SLC20A2: variants seen among roughly 807,000 people sequenced by gnomAD.
SLC20A2 encodes solute carrier family 20 member 2.
Under a neutral mutation model 61.0 loss-of-function variants are expected in SLC20A2, and 30 were observed. The ratio of observed to expected loss-of-function variants is 0.49; its 90% CI spans 0.37 to 0.67. SLC20A2 has a LOEUF of 0.67. Among genes scored for constraint, SLC20A2 ranks in the 30% least tolerant of loss-of-function variants. SLC20A2 has a pLI of 0.00. For missense variants in SLC20A2, 626 were observed against 866.4 expected, an observed-to-expected ratio of 0.72 and a Z score of 3.48; for synonymous variants, 351 against 353.3, an observed-to-expected ratio of 0.99 and a Z score of 0.07.
chr8:42,490,435 G>A (rs1037640594), intron 1 of SLC20A2, among the ~76,000 whole-genome samples: 20 of 152,052 alleles, frequency 1.3e-4, no homozygotes, highest in African/African-American at 4.3e-4. Context: ...TGTCTCTACC[G>A]AAAATACAAA....
chr8:42,476,128 G>T (rs1397032317), intron 1 of SLC20A2, among the ~76,000 whole-genome samples: 1 of 106,688 alleles, frequency 9.4e-6, no homozygotes, highest in Non-Finnish European at 1.7e-5. Context: ...ACGAAATCTC[G>T]CTCTGTCGCC....
chr8:42,539,243 A>G (rs1812902893), intron 1 of SLC20A2, among the ~76,000 whole-genome samples: 1 of 152,196 alleles, frequency 6.6e-6, no homozygotes, highest in Non-Finnish European at 1.5e-5. Flanking sequence ...TTTTAATCAC[A>G]AAGAAGACAC....
chr8:42,427,579 A>G (rs1466803616), intron 10 of SLC20A2, among the ~76,000 whole-genome samples: 1 of 152,226 alleles, frequency 6.6e-6, no homozygotes, highest in Non-Finnish European at 1.5e-5. Context: ...TTGTATACAG[A>G]AACTTTGTGG....
intron 1 of SLC20A2, among the ~76,000 whole-genome samples, chr8:42,514,340 T>C (rs1811197704): frequency 1.3e-5 from 2 of 152,076 alleles, no homozygotes; most frequent in South Asian, 2.1e-4. Context: ...GAAGAGAAGA[T>C]TAGAAACAGA....
At chr8:42,539,191 T>C (rs1300529990) in intron 1 of SLC20A2, among the ~76,000 whole-genome samples, 2 of 152,228 alleles carry the variant, frequency 1.3e-5, no homozygotes, top group Admixed American at 6.5e-5. Context: ...TTCCCAAAGA[T>C]GGACCACCAG....
chr8:42,464,454 G>A (rs1223926137), intron 3 of SLC20A2, among the ~76,000 whole-genome samples: 2 of 151,624 alleles, frequency 1.3e-5, no homozygotes, highest in African/African-American at 4.8e-5. Context: ...GACATAACAC[G>A]GGGCTCACTT....
chr8:42,484,146 CA>C (rs1417164671), intron 1 of SLC20A2, among the ~76,000 whole-genome samples: 1 of 152,214 alleles, frequency 6.6e-6, no homozygotes, highest in Non-Finnish European at 1.5e-5. Flanking sequence ...GAAAAAACAA[CA>C]GAGGACAAAT....
intron 6 of SLC20A2, 105 bp downstream of exon 6, chr8:42,444,541 C>A (rs2131051784): frequency 3.5e-6 from 3 of 851,758 alleles, no homozygotes; most frequent in Non-Finnish European, 5.9e-6. Flanking sequence ...TCTGGAGTCA[C>A]CCACACTTCC....
intron 5 of SLC20A2, among the ~76,000 whole-genome samples, chr8:42,452,610 G>A (rs1038210359): frequency 6.6e-6 from 1 of 151,192 alleles, no homozygotes; most frequent in Non-Finnish European, 1.5e-5. Flanking sequence ...GGAGGATGAG[G>A]AGGAAGAGAT....
chr8:42,426,050 A>C lies in SLC20A2; in HGVS notation c.1794+2708T>G, dbSNP rs538702772. Among the ~76,000 whole-genome samples the C allele has an allele frequency of 3.9e-5, 6 of 152,148 alleles. No homozygotes were observed. In the South Asian group the frequency reaches 1.2e-3, roughly 32 times the overall value. On this transcript the variant is annotated intron_variant, in intron 10 of 10. Coordinates refer to ENST00000520262, the MANE Select transcript of SLC20A2 (RefSeq NM_001257180.2). ...GACTCCATCTCAAAAAAAAAACCTTATCATGTACTTTGTACAGGTATTTTA... is the reference window on the plus strand; with the variant it reads ...GACTCCATCTCAAAAAAAAAACCTTCTCATGTACTTTGTACAGGTATTTTA...
chr8:42,477,858 G>A (rs180682993), intron 1 of SLC20A2, among the ~76,000 whole-genome samples: 46 of 152,070 alleles, frequency 3.0e-4, no homozygotes, highest in African/African-American at 9.9e-4. Flanking sequence ...ACCACTCAAC[G>A]TGGTAAAGAC....
chr8:42,501,875 C>T (rs544316999), upstream of SLC20A2, among the ~76,000 whole-genome samples: 3 of 152,312 alleles, frequency 2.0e-5, no homozygotes, highest in South Asian at 6.2e-4. Flanking sequence ...TGACCATCTA[C>T]AAAGCATGTT....
chr8:42,491,289 C>T (rs376291857), intron 1 of SLC20A2, among the ~76,000 whole-genome samples: 10 of 151,322 alleles, frequency 6.6e-5, no homozygotes, highest in Admixed American at 2.0e-4. Flanking sequence ...CTGAGGCGGG[C>T]GATCACCAGG....
chr8:42,486,878 T>C (rs1157380181), intron 1 of SLC20A2, among the ~76,000 whole-genome samples: 2 of 152,120 alleles, frequency 1.3e-5, no homozygotes, highest in Non-Finnish European at 2.9e-5. Flanking sequence ...TTATTTTTAT[T>C]TTTTTTGAGA....
At position 42,472,819 on chromosome 8, in the gene SLC20A2, C is replaced by T. The variant is rs1022347914; in HGVS notation, c.-264-165G>A. ...GAAGATTATAATTAGGATAACCACC[C>T]CCAACCAAAAACACAAAAAAACCTG... On this transcript the variant is annotated intron_variant, in intron 1 of 10. Transcript: ENST00000520262. The surrounding 1 kb of genome is among the most constrained non-coding windows in gnomAD (Gnocchi z 4.1). 6.6e-6 allele frequency among the ~76,000 whole-genome samples: 1 copy of T among 152,150 alleles called. No individual in the cohort carries two copies. Among genetic ancestry groups the T allele is most frequent in the African/African-American group, 2.4e-5 (1 of 41,430 alleles).
At chr8:42,487,989 G>A (rs922295545) in intron 1 of SLC20A2, among the ~76,000 whole-genome samples, 2 of 152,138 alleles carry the variant, frequency 1.3e-5, no homozygotes, top group Admixed American at 6.5e-5. Context: ...GGAGTGGAAT[G>A]ACACAGCATT....
intron 7 of SLC20A2, among the ~76,000 whole-genome samples, chr8:42,438,537 C>A (rs1167257350): frequency 1.3e-5 from 2 of 152,158 alleles, no homozygotes; most frequent in Non-Finnish European, 2.9e-5. Context: ...ATGAGTCAGG[C>A]AAAATGAATT....
intron 2 of SLC20A2, among the ~76,000 whole-genome samples, chr8:42,466,260 AT>A (rs1807154131): frequency 6.6e-6 from 1 of 152,060 alleles, no homozygotes; most frequent in East Asian, 1.9e-4. Context: ...TAATTTTTGT[AT>A]TTTTAGTAAA....
At chr8:42,450,410 T>C (rs1235918236) in intron 5 of SLC20A2, among the ~76,000 whole-genome samples, 1 of 152,072 alleles carries the variant, frequency 6.6e-6, no homozygotes, top group Non-Finnish European at 1.5e-5. Flanking sequence ...GTATTTTTAG[T>C]AGAGATGGGG....
Sources: gnomAD v4.1 joint callset for allele counts (sites outside exome capture counted in the v4.1 genomes callset) on GRCh38, gnomAD v4.1.1 for gene constraint, Gnocchi (gnomAD v3.1) non-coding constraint, MANE v1.5 for transcripts, NCBI Gene and HGNC (gene_info 2026-07-23, HGNC 2026-07-21) for gene names.